CPLANE1: variants seen among roughly 807,000 people sequenced by gnomAD.
CPLANE1 encodes the protein ciliogenesis and planar polarity effector complex subunit 1.
CPLANE1 carries 263 observed loss-of-function variants against 362.5 expected under a neutral mutation model. The ratio of observed to expected loss-of-function variants is 0.73; its 90% CI spans 0.66 to 0.80. CPLANE1 has a LOEUF of 0.80. Ranked by LOEUF, CPLANE1 falls within the 30% of genes least tolerant of loss-of-function variation. CPLANE1 has a pLI of 0.00. For missense variants in CPLANE1, 3,461 were observed against 3,793.4 expected (o/e 0.91, Z 2.30); for synonymous variants, 1,212 against 1,302.6 (o/e 0.93, Z 1.50).
the CPLANE1 span, among the ~76,000 whole-genome samples, chr5:37,099,125 C>A: frequency 6.6e-6 from 1 of 152,082 alleles, no homozygotes; most frequent in East Asian, 1.9e-4. Context: ...TTACAAAAAT[C>A]TTTTGTTCTT....
In CPLANE1 at chr5:37,167,077, T is replaced by C; in HGVS notation, c.7370A>G (p.Glu2457Gly). The C allele has an allele frequency of 6.2e-7, 1 of 1,612,340 alleles. No individual in the cohort carries two copies. The highest frequency in any genetic ancestry group is 8.5e-7 in the Non-Finnish European group (1 of 1,179,536). ...TTTACTGTCCTTTCCTTGTCTTACT[T>C]CAGGTGGTTCTATTTTGACCTTTAG... ...QLLKVKIEPP[E>G]VRQGKDSKKR... Residue 2457 changes from glutamate (E) to glycine (G), a missense_variant, in exon 35 of 53, where the codon GAA (glutamate) becomes GGA (glycine). Around this residue, in one of 2 missense-constraint regions of CPLANE1, gnomAD observed 3,380 missense variants for 3,666.1 expected, o/e 0.92. Coordinates refer to ENST00000651892, the MANE Select transcript of CPLANE1 (RefSeq NM_001384732.1).
chr5:37,153,963 C>T lies in CPLANE1; in HGVS notation c.8150G>A (p.Gly2717Glu). 1 of 1,612,212 alleles carries T rather than the reference C, an allele frequency of 6.2e-7. No individual in the cohort carries two copies. Among genetic ancestry groups the T allele is most frequent in the Non-Finnish European group, 8.5e-7 (1 of 1,178,750 alleles). Reference sequence around the variant, plus strand: ...TGCAGAGTCTGACTTTGTGCTCTGTCCTTTGAATCGGAACTCTGGTTTTGG... The same window carrying T: ...TGCAGAGTCTGACTTTGTGCTCTGTTCTTTGAATCGGAACTCTGGTTTTGG... ...GLPKPEFRFK[G>E]QSTKSDSAED... Residue 2717 changes from glycine to glutamate, a missense_variant, in exon 42 of 53, where the codon GGA (glycine) becomes GAA (glutamate). Gly to Glu is a moderately conservative substitution (Grantham distance 98). Coordinates refer to ENST00000651892, the MANE Select transcript of CPLANE1 (RefSeq NM_001384732.1).
chr5:37,157,622 T>G (rs1775503856), intron 40 of CPLANE1, 48 bp downstream of exon 40: 1 of 1,518,048 alleles, frequency 6.6e-7, no homozygotes, highest in African/African-American at 1.4e-5. Flanking sequence ...AATGCTATAT[T>G]AAAGAACTTT....
At position 37,120,299 on chromosome 5, in the gene CPLANE1, C is replaced by T. The variant is rs376064818; in HGVS notation, c.9227G>A (p.Gly3076Glu). ...HGHSFLINRP[G>E]KVKYMSKPSY... ...CGGTTTGGACATATATTTGACTTTTCCAGGTCGATTTATTAGAAAACTGTG... is the reference window on the plus strand; with the variant it reads ...CGGTTTGGACATATATTTGACTTTTTCAGGTCGATTTATTAGAAAACTGTG... Residue 3076 changes from glycine (G) to glutamate (E), a missense_variant, in exon 50 of 53, where the codon GGA becomes GAA. By Grantham distance (98) the Gly-to-Glu change is moderately conservative. Coordinates refer to ENST00000651892, the MANE Select transcript of CPLANE1 (RefSeq NM_001384732.1). 6.6e-5 allele frequency: 106 copies of T among 1,595,044 alleles called. No individual in the cohort carries two copies. Among genetic ancestry groups the T allele is most frequent in the Non-Finnish European group, 8.0e-5 (94 of 1,173,882 alleles).
chr5:37,087,037 G>C, the CPLANE1 span, among the ~76,000 whole-genome samples: 1 of 152,180 alleles, frequency 6.6e-6, no homozygotes, highest in African/African-American at 2.4e-5. Flanking sequence ...ACAGTTATTA[G>C]CTCAACAGAA....
At chr5:37,076,388 C>T in the CPLANE1 span, among the ~76,000 whole-genome samples, 11 of 151,944 alleles carry the variant, frequency 7.2e-5, no homozygotes, top group Admixed American at 3.3e-4. Flanking sequence ...CTCTGCTCAC[C>T]GCAACCTTCG....
Position 37,209,346 on chromosome 5 carries a change from G to T in CPLANE1, c.2921-2921C>A. On this transcript the variant is annotated intron_variant, in intron 16 of 52. Coordinates refer to ENST00000651892, the MANE Select transcript of CPLANE1 (RefSeq NM_001384732.1). This position sits in a 1 kb window ranked among gnomAD's most constrained non-coding sequence, Gnocchi z 4.6. ...CGGCGGGGCGAGCGAGGCGGGCTCCGGAGGAAGCTGACGGCTGATGATGGC... is the reference window on the plus strand; with the variant it reads ...CGGCGGGGCGAGCGAGGCGGGCTCCTGAGGAAGCTGACGGCTGATGATGGC... 1 of 949,742 alleles carries T rather than the reference G, an allele frequency of 1.1e-6. No individual in the cohort carries two copies. The highest frequency in any genetic ancestry group is 1.3e-5 in the South Asian group (1 of 78,020). 58.8% of individuals were successfully genotyped at this position (949,742 alleles called of 1,614,324 possible).
chr5:37,221,307 G>GAAA lies in CPLANE1; in HGVS notation c.2746+14_2746+16dup. ...GTCTCTTTTTAAAAATACAAAGAAAGAAAAAAAAAAGCATACCTGAAAAAT... is the reference window on the plus strand; with the variant it reads ...GTCTCTTTTTAAAAATACAAAGAAAGAAAAAAAAAAAAAGCATACCTGAAAAAT... On this transcript the variant is annotated intron_variant, in intron 15 of 52. Transcript: ENST00000651892. 1 of 1,323,582 alleles carries GAAA rather than the reference G, an allele frequency of 7.6e-7. No individual in the cohort carries two copies. The allele number at this position is 1,323,582 out of a possible 1,614,324, so 82.0% of individuals were successfully genotyped here.
At chr5:37,108,609 G>T in intron 51 of CPLANE1, 138 bp from the exon 52 acceptor site, 2 of 789,628 alleles carry the variant, frequency 2.5e-6, no homozygotes, top group Non-Finnish European at 3.9e-6. Flanking sequence ...TCTGGAAATG[G>T]TTCACTTTAG....
chr5:37,235,880 T>G (rs1798873273), intron 8 of CPLANE1, among the ~76,000 whole-genome samples: 1 of 149,780 alleles, frequency 6.7e-6, no homozygotes, highest in East Asian at 2.0e-4. Flanking sequence ...CTTTTTTTTT[T>G]TTTTTTTGGA....
the CPLANE1 span, among the ~76,000 whole-genome samples, chr5:37,097,190 TA>T: frequency 2.0e-5 from 3 of 151,914 alleles, no homozygotes; most frequent in Non-Finnish European, 2.9e-5. Flanking sequence ...CTCGTTTTTT[TA>T]AAAATTAAAA....
chr5:37,075,800 C>CGAGTA, the CPLANE1 span, among the ~76,000 whole-genome samples: 2 of 152,110 alleles, frequency 1.3e-5, no homozygotes, highest in Non-Finnish European at 2.9e-5. Context: ...TCTGCTGGGT[C>CGAGTA]GAGTATTTGG....
chr5:37,188,425 G>A (rs1165005439), intron 21 of CPLANE1, among the ~76,000 whole-genome samples: 2 of 152,174 alleles, frequency 1.3e-5, no homozygotes. Flanking sequence ...ACGGGGTGGT[G>A]TAGGCTCTGT....
At chr5:37,206,607 C>A (rs1005799384) in intron 16 of CPLANE1, among the ~76,000 whole-genome samples, 182 bp from the exon 17 acceptor site, 1 of 151,786 alleles carries the variant, frequency 6.6e-6, no homozygotes, top group Non-Finnish European at 1.5e-5. Context: ...AAGAATGTGC[C>A]TCATTCGTGG....
chr5:37,210,327 A>G (rs1580764023), intron 16 of CPLANE1: 3 of 1,395,818 alleles, frequency 2.1e-6, no homozygotes, highest in Non-Finnish European at 3.1e-6. Flanking sequence ...AGAAAAACAT[A>G]AAAGTATGAC....
intron 4 of CPLANE1, among the ~76,000 whole-genome samples, chr5:37,245,107 G>C (rs1329385325): frequency 6.6e-6 from 1 of 150,820 alleles, no homozygotes; most frequent in African/African-American, 2.4e-5. Flanking sequence ...TCCCACCACT[G>C]CACTCCAGCC....
chr5:37,224,337 G>T lies in CPLANE1; in HGVS notation c.2501-4C>A. On this transcript the variant is annotated splice_polypyrimidine_tract_variant and splice_region_variant and intron_variant, in intron 13 of 52. Transcript: ENST00000651892. Reference sequence around the variant, plus strand: ...CCTAATAAAAAACATTCTTCCCCTAGAAAGTTTTTAACCAACAATTAGTCA... The same window carrying T: ...CCTAATAAAAAACATTCTTCCCCTATAAAGTTTTTAACCAACAATTAGTCA... 6.5e-7 allele frequency: 1 copy of T among 1,539,578 alleles called. No individual in the cohort carries two copies.
chr5:37,163,859 G>A (rs1273320865), intron 37 of CPLANE1, among the ~76,000 whole-genome samples: 3 of 152,140 alleles, frequency 2.0e-5, no homozygotes, highest in Non-Finnish European at 4.4e-5. Flanking sequence ...AGAAGGGGCT[G>A]GAGATTGAGC....
Position 37,158,636 on chromosome 5 carries a change from G to A in CPLANE1, c.7691-291C>T, listed in dbSNP as rs367851142. On this transcript the variant is annotated intron_variant, in intron 38 of 52. Transcript: ENST00000651892. ...GAAAATGCTAAAATTTCCTATTTCC[G>A]TATCAGATATAGTAAGTCATGCTTG... 1.1e-4 allele frequency among the ~76,000 whole-genome samples: 16 copies of A among 152,128 alleles called. 1 individual carries two copies. The highest frequency in any genetic ancestry group is 3.9e-4 in the Admixed American group (6 of 15,292).
Sources: allele counts gnomAD v4.1 joint callset (sites outside exome capture counted in the v4.1 genomes callset), GRCh38; gene constraint gnomAD v4.1.1; regional missense constraint gnomAD v4.1.1; non-coding constraint Gnocchi (gnomAD v3.1); transcripts MANE v1.5; gene names NCBI Gene and HGNC (gene_info 2026-07-23, HGNC 2026-07-21).